Variants in SYN3 observed in about 807,000 individuals in gnomAD.
SYN3 encodes the protein synapsin III.
In SYN3, 35 loss-of-function variants were observed where a neutral mutation model predicts 65.8. That is an observed-to-expected ratio of 0.53 (90% CI 0.41 to 0.70). SYN3 has a LOEUF of 0.70. Among genes scored for constraint, SYN3 ranks in the 30% least tolerant of loss-of-function variants. SYN3 has a pLI of 0.00. For synonymous variants in SYN3, 270 were observed against 292.9 expected, an observed-to-expected ratio of 0.92 and a Z score of 0.80; for missense variants, 680 against 749.0, an observed-to-expected ratio of 0.91 and a Z score of 1.08.
chr22:32,540,580 C>G (rs1318534056), intron 8 of SYN3, among the ~76,000 whole-genome samples: 2 of 152,222 alleles, frequency 1.3e-5, no homozygotes, highest in Non-Finnish European at 2.9e-5. Flanking sequence ...AAGAACGAGA[C>G]AGTCTGCCTA....
chr22:32,762,205 T>C (rs192762645), intron 6 of SYN3, among the ~76,000 whole-genome samples: 25 of 152,298 alleles, frequency 1.6e-4, no homozygotes, highest in Non-Finnish European at 2.9e-4. Context: ...TTCCTCAGGG[T>C]TAAAGCAGTG....
intron 7 of SYN3, among the ~76,000 whole-genome samples, chr22:32,563,921 G>A (rs905439987): frequency 1.3e-5 from 2 of 151,978 alleles, no homozygotes; most frequent in African/African-American, 4.8e-5. Flanking sequence ...TGCCTCCCTC[G>A]GCCTCCCAAA....
At chr22:32,635,795 C>A (rs1186717784) in intron 6 of SYN3, among the ~76,000 whole-genome samples, 1 of 152,124 alleles carries the variant, frequency 6.6e-6, no homozygotes, top group Non-Finnish European at 1.5e-5. Context: ...GCAAATTTCC[C>A]GAATCTCCCA....
chr22:32,782,968 C>T (rs1361632463), intron 6 of SYN3, among the ~76,000 whole-genome samples: 1 of 152,232 alleles, frequency 6.6e-6, no homozygotes, highest in Non-Finnish European at 1.5e-5. Context: ...GTTAGTTAAG[C>T]ACTTCTCATT....
chr22:32,556,794 AG>A (rs1285556419), intron 7 of SYN3, among the ~76,000 whole-genome samples: 5,252 of 36,434 alleles, frequency 0.14, 1,401 homozygotes, highest in African/African-American at 0.27. Context: ...CCCAATCTAT[AG>A]GTTTCCTGGT....
chr22:32,753,064 A>G (rs2045181267), intron 6 of SYN3, among the ~76,000 whole-genome samples: 1 of 152,156 alleles, frequency 6.6e-6, no homozygotes, highest in Admixed American at 6.5e-5. Context: ...GAACCTCAGC[A>G]GAGGCCAAGA....
rs2057717882 is a variant in SYN3, at chr22:32,513,459, G to A, written c.*233C>T. 2.1e-6 allele frequency: 1 copy of A among 482,366 alleles called. No homozygotes were observed. The highest frequency in any genetic ancestry group is 3.8e-5 in the South Asian group (1 of 26,624). The allele number at this position is 482,366 out of a possible 1,614,324, so 29.9% of individuals were successfully genotyped here. A position where few individuals can be genotyped will look rare whatever the true frequency, so the allele number is the denominator to read the frequency against. On this transcript the variant is annotated 3_prime_UTR_variant, in exon 14 of 14. Transcript: ENST00000358763. ...GATGCCCATCGCTCAGGCCTGTTTT[G>A]AGGAACCTGGAGGCTCTCAAAGGCC... is the stretch of plus-strand genomic sequence containing the variant.
intron 2 of SYN3, among the ~76,000 whole-genome samples, chr22:32,990,307 TC>T (rs1415904365): frequency 1.1e-4 from 11 of 103,532 alleles, no homozygotes; most frequent in African/African-American, 4.2e-4. Context: ...CATGAATCCA[TC>T]CATCCATCCA....
At position 32,896,876 on chromosome 22, in the gene SYN3, AAAC is replaced by A. The variant is rs569875738; in HGVS notation, c.462-27754_462-27752del. ...GTGAACACAGTCTCTAACTTTTCTT[AAAC>A]AACTCCAAAAAATGCAAGACATTCA... is the stretch of plus-strand genomic sequence containing the variant. On this transcript the variant is annotated intron_variant, in intron 4 of 13. Coordinates refer to ENST00000358763, the MANE Select transcript of SYN3 (RefSeq NM_003490.4). Among the ~76,000 whole-genome samples the A allele has an allele frequency of 1.3e-4, 20 of 152,280 alleles. No homozygotes were observed. In the South Asian group the frequency reaches 4.1e-3, roughly 32 times the overall value.
chr22:32,696,136 G>A lies in SYN3; in HGVS notation c.712-99400C>T, dbSNP rs139743031. On this transcript the variant is annotated intron_variant, in intron 6 of 13. Coordinates refer to ENST00000358763, the MANE Select transcript of SYN3 (RefSeq NM_003490.4). ...TCAGCAGGTAGATGCCATATGGTGA[G>A]TCAGAGGACTGGGCTCCTTCTCTTT... 7.4e-4 allele frequency among the ~76,000 whole-genome samples: 113 copies of A among 152,338 alleles called. 3 individuals carry two copies. In the East Asian group the frequency reaches 0.021, roughly 28 times the overall value.
At chr22:32,622,683 T>C (rs1407852324) in intron 6 of SYN3, among the ~76,000 whole-genome samples, 1 of 148,708 alleles carries the variant, frequency 6.7e-6, no homozygotes, top group Non-Finnish European at 1.5e-5. Context: ...TGGGTTCCCT[T>C]GTTGAGCTGC....
chr22:32,799,738 C>T (rs1030708805), intron 6 of SYN3, among the ~76,000 whole-genome samples: 2 of 152,082 alleles, frequency 1.3e-5, no homozygotes, highest in African/African-American at 4.8e-5. Context: ...TTAGAGTGGC[C>T]TCCAGGGCAC....
At chr22:32,844,477 C>T in intron 6 of SYN3, among the ~76,000 whole-genome samples, 1 of 152,140 alleles carries the variant, frequency 6.6e-6, no homozygotes, top group East Asian at 1.9e-4. Context: ...TAAGCTCTTA[C>T]TAGCACTCTT....
chr22:32,694,075 C>T (rs1004710302), intron 6 of SYN3, among the ~76,000 whole-genome samples: 15 of 151,240 alleles, frequency 9.9e-5, no homozygotes, highest in Non-Finnish European at 1.9e-4. Flanking sequence ...TGTTTGTGAG[C>T]TATTTATTTA....
At chr22:32,671,475 T>C (rs2060362429) in intron 6 of SYN3, among the ~76,000 whole-genome samples, 1 of 151,608 alleles carries the variant, frequency 6.6e-6, no homozygotes, top group Non-Finnish European at 1.5e-5. Context: ...ACACCCACAC[T>C]TACACACACA....
intron 4 of SYN3, among the ~76,000 whole-genome samples, chr22:32,924,894 C>A (rs1047974840): frequency 1.3e-5 from 2 of 152,114 alleles, no homozygotes; most frequent in Non-Finnish European, 2.9e-5. Context: ...GAGTTCGATA[C>A]CAGCTTGGGC....
At chr22:32,588,280 G>C (rs759621993) in intron 7 of SYN3, among the ~76,000 whole-genome samples, 8 of 152,158 alleles carry the variant, frequency 5.3e-5, no homozygotes, top group Non-Finnish European at 1.2e-4. Context: ...TGGGCCGCAA[G>C]TTCTTATCTT....
At chr22:32,615,605 C>T (rs537647066) in intron 6 of SYN3, among the ~76,000 whole-genome samples, 40 of 152,204 alleles carry the variant, frequency 2.6e-4, no homozygotes, top group Middle Eastern at 3.4e-3. Context: ...CGCCACTGCT[C>T]TCAGTTTAGG....
intron 7 of SYN3, among the ~76,000 whole-genome samples, chr22:32,593,720 T>C (rs913320428): frequency 2.0e-5 from 3 of 151,974 alleles, no homozygotes; most frequent in African/African-American, 7.3e-5. Flanking sequence ...AGGACATAAC[T>C]GGATATAAGA....
Sources: allele counts gnomAD v4.1 joint callset (sites outside exome capture counted in the v4.1 genomes callset), GRCh38; gene constraint gnomAD v4.1.1; transcripts MANE v1.5; gene names NCBI Gene and HGNC (gene_info 2026-07-23, HGNC 2026-07-21).